The following KCNQ1OT1 variants were observed in gnomAD, a reference collection of about 807,000 sequenced individuals.
The protein encoded by KCNQ1OT1 is KCNQ1 antisense RNA 2 (non-protein coding).
chr11:2,610,681 A>C (rs1240646725), exon 1 of KCNQ1OT1: 4 of 393,214 alleles, frequency 1.0e-5, no homozygotes, highest in African/African-American at 2.1e-5. Context: ...CTTCTTTTTG[A>C]AAGAAACTTT....
In KCNQ1OT1 at chr11:2,698,758, G is replaced by A. The variant is rs1850720296; in HGVS notation, n.1237C>T. ...CCCTTGGATCTCAACTCAGAGCCAT[G>A]ATGCAGACTCCAGACCGGGATTCAG... On this transcript the variant is annotated non_coding_transcript_exon_variant, in exon 1 of 1. Transcript: ENST00000597346. This position sits in a 1 kb window ranked among gnomAD's most constrained non-coding sequence, Gnocchi z 5.1. 1 of 398,672 alleles carries A rather than the reference G, an allele frequency of 2.5e-6. No homozygotes were observed. The highest frequency in any genetic ancestry group is 4.4e-6 in the Non-Finnish European group (1 of 226,154). The allele number at this position is 398,672 out of a possible 1,614,324, so 24.7% of individuals were successfully genotyped here.
chr11:2,658,849 T>C lies in KCNQ1OT1; in HGVS notation n.41146A>G. On this transcript the variant is annotated non_coding_transcript_exon_variant, in exon 1 of 1. Transcript: ENST00000597346. The surrounding 1 kb of genome is among the most constrained non-coding windows in gnomAD (Gnocchi z 4.9). Reference sequence around the variant, plus strand: ...TTTCTCTGACAGCTAGAAACCTGGCTCCCATTACCTACAGTTCATTTACTT... The same window carrying C: ...TTTCTCTGACAGCTAGAAACCTGGCCCCCATTACCTACAGTTCATTTACTT... 2 of 398,562 alleles carry C rather than the reference T, an allele frequency of 5.0e-6. No homozygotes were observed. The highest frequency in any genetic ancestry group is 8.8e-6 in the Non-Finnish European group (2 of 226,054). 24.7% of individuals were successfully genotyped at this position (398,562 alleles called of 1,614,324 possible).
chr11:2,680,627 T>A (rs1333179366), exon 1 of KCNQ1OT1: 1 of 398,466 alleles, frequency 2.5e-6, no homozygotes, highest in Non-Finnish European at 4.4e-6. Flanking sequence ...TAGTACAATA[T>A]TCTGACCAGG....
exon 1 of KCNQ1OT1, chr11:2,675,286 G>A (rs1850273594): frequency 2.5e-6 from 1 of 398,540 alleles, no homozygotes; most frequent in Non-Finnish European, 4.4e-6. Flanking sequence ...TCTCCCAAAA[G>A]CAGAGTTTTG....
At chr11:2,660,626 A>G (rs1849935141) in exon 1 of KCNQ1OT1, 1 of 398,532 alleles carries the variant, frequency 2.5e-6, no homozygotes, top group South Asian at 1.3e-4. Context: ...CATAAAAGGT[A>G]TTCAACACAG....
Position 2,621,981 on chromosome 11 carries a change from C to CT in KCNQ1OT1, n.78013dup, listed in dbSNP as rs1292783689. The CT allele has an allele frequency of 5.0e-6, 2 of 398,086 alleles. No individual in the cohort carries two copies. The highest frequency in any genetic ancestry group is 4.1e-5 in the African/African-American group (2 of 48,572). 24.7% of individuals were successfully genotyped at this position (398,086 alleles called of 1,614,324 possible). A position where few individuals can be genotyped will look rare whatever the true frequency, so the allele number is the denominator to read the frequency against. ...TTTTGGGCTATTTGAAATATCTCTTCTTTTTTAATGTAGGCAAGGCATTTA... is the reference window on the plus strand; with the variant it reads ...TTTTGGGCTATTTGAAATATCTCTTCTTTTTTTAATGTAGGCAAGGCATTTA... On this transcript the variant is annotated non_coding_transcript_exon_variant, in exon 1 of 1. Transcript: ENST00000597346. This position sits in a 1 kb window ranked among gnomAD's most constrained non-coding sequence, Gnocchi z 5.7.
exon 1 of KCNQ1OT1, chr11:2,635,209 G>T (rs545075850): frequency 2.6e-5 from 4 of 152,166 alleles, no homozygotes; most frequent in East Asian, 1.9e-4. Flanking sequence ...GTCAATTTTG[G>T]CTTTTGTTGC....
At chr11:2,622,509 C>T in exon 1 of KCNQ1OT1, 1 of 398,426 alleles carries the variant, frequency 2.5e-6, no homozygotes, top group Middle Eastern at 6.3e-4. Flanking sequence ...CTGCCAACCT[C>T]TGCTTTTTGG....
chr11:2,666,305 C>G, exon 1 of KCNQ1OT1: 1 of 398,698 alleles, frequency 2.5e-6, no homozygotes. Context: ...AGAGGGAAAG[C>G]TGCAGAGACC....
rs1850226657 is a variant in KCNQ1OT1 at position 2,673,492 on chromosome 11, A to C, written n.26503T>G. On this transcript the variant is annotated non_coding_transcript_exon_variant, in exon 1 of 1. Coordinates refer to ENST00000597346, the Ensembl canonical transcript of KCNQ1OT1. The surrounding 1 kb of genome is among the most constrained non-coding windows in gnomAD (Gnocchi z 4.5). ...TGAAAAGCCATACAGACTCCTGCTC[A>C]TCACAACCACTTGTTGATGCTGACA... 7.5e-6 allele frequency: 3 copies of C among 398,538 alleles called. No individual in the cohort carries two copies. The highest frequency in any genetic ancestry group is 4.4e-5 in the Admixed American group (1 of 22,722). The allele number at this position is 398,538 out of a possible 1,614,324, so 24.7% of individuals were successfully genotyped here. A position where few individuals can be genotyped will look rare whatever the true frequency, so the allele number is the denominator to read the frequency against.
Position 2,668,466 on chromosome 11 carries a change from G to T in KCNQ1OT1, n.31529C>A. The T allele has an allele frequency of 2.5e-6, 1 of 398,556 alleles. No homozygotes were observed. Among genetic ancestry groups the T allele is most frequent in the Non-Finnish European group, 4.4e-6 (1 of 226,052 alleles). 24.7% of individuals were successfully genotyped at this position (398,556 alleles called of 1,614,324 possible). A position where few individuals can be genotyped will look rare whatever the true frequency, so the allele number is the denominator to read the frequency against. Reference sequence around the variant, plus strand: ...CACATCCTAACACTTGGCATTTTCCGTCGTTTCCTTTTCAGCCATGATGGT... The same window carrying T: ...CACATCCTAACACTTGGCATTTTCCTTCGTTTCCTTTTCAGCCATGATGGT... On this transcript the variant is annotated non_coding_transcript_exon_variant, in exon 1 of 1. Coordinates refer to ENST00000597346, the Ensembl canonical transcript of KCNQ1OT1. The surrounding 1 kb of genome is among the most constrained non-coding windows in gnomAD (Gnocchi z 4.3).
At chr11:2,643,689 T>C (rs1159282098) in exon 1 of KCNQ1OT1, 2 of 398,556 alleles carry the variant, frequency 5.0e-6, no homozygotes, top group East Asian at 3.6e-5. Flanking sequence ...CTGTCATTAA[T>C]TGATTTCTGA....
chr11:2,648,122 T>C (rs1361655047), exon 1 of KCNQ1OT1: 6 of 390,884 alleles, frequency 1.5e-5, no homozygotes, highest in Admixed American at 1.4e-4. Context: ...GGAGGATTGC[T>C]TGAGCCCAGG....
At chr11:2,629,051 C>A (rs1849309157) in exon 1 of KCNQ1OT1, 1 of 398,150 alleles carries the variant, frequency 2.5e-6, no homozygotes, top group South Asian at 1.3e-4. Context: ...TCTTATTGCT[C>A]AAGTATGCTT....
exon 1 of KCNQ1OT1, chr11:2,643,426 A>G (rs1298890779): frequency 7.5e-6 from 3 of 398,184 alleles, no homozygotes; most frequent in Non-Finnish European, 1.3e-5. Flanking sequence ...GTCTCTTTTT[A>G]GTGTTTTTAG....
chr11:2,632,182 CAA>C (rs34998500), exon 1 of KCNQ1OT1: 6,644 of 299,738 alleles, frequency 0.022, no homozygotes, highest in Middle Eastern at 0.038. Flanking sequence ...GACTCTGCCT[CAA>C]AAAAAAAAAA....
rs1376220115 is a variant in KCNQ1OT1 at position 2,687,943 on chromosome 11, G to A, written n.12052C>T. On this transcript the variant is annotated non_coding_transcript_exon_variant, in exon 1 of 1. Transcript: ENST00000597346. The surrounding 1 kb of genome is among the most constrained non-coding windows in gnomAD (Gnocchi z 5.0). ...TTGTGAGGCTGCACTTCTCCCACCCGCTGTGGGTCAGCCAGGCCGCTGCTT... is the reference window on the plus strand; with the variant it reads ...TTGTGAGGCTGCACTTCTCCCACCCACTGTGGGTCAGCCAGGCCGCTGCTT... 7.3e-5 allele frequency: 29 copies of A among 398,794 alleles called. 1 individual carries two copies. The South Asian group carries it at 1.3e-3, about 17-fold the overall frequency. 24.7% of individuals were successfully genotyped at this position (398,794 alleles called of 1,614,324 possible).
At chr11:2,636,010 T>G (rs1201494229) in exon 1 of KCNQ1OT1, 1 of 152,246 alleles carries the variant, frequency 6.6e-6, no homozygotes, top group Non-Finnish European at 1.5e-5. Context: ...ATAAGAATGC[T>G]TGTGATGTTT....
chr11:2,643,364 A>G (rs1849609122), exon 1 of KCNQ1OT1: 1 of 398,204 alleles, frequency 2.5e-6, no homozygotes, highest in South Asian at 1.3e-4. Flanking sequence ...TATGTTTAGA[A>G]TTGTTATATC....
Sources: allele counts gnomAD v4.1 joint callset, GRCh38; gene constraint gnomAD v4.1.1; non-coding constraint Gnocchi (gnomAD v3.1); transcripts MANE v1.5; gene names NCBI Gene and HGNC (gene_info 2026-07-23, HGNC 2026-07-21).